The following PRMT9 variants were observed in gnomAD, a reference collection of about 807,000 sequenced individuals.
The protein encoded by PRMT9 is protein arginine N-methyltransferase 9.
In PRMT9, 59 loss-of-function variants were observed where a neutral mutation model predicts 83.2. The ratio of observed to expected loss-of-function variants is 0.71; its 90% CI spans 0.57 to 0.88. PRMT9 has a LOEUF of 0.88. Ranked by LOEUF, PRMT9 falls within the 40% of genes least tolerant of loss-of-function variation. PRMT9 has a pLI of 0.00. For missense variants in PRMT9, 947 were observed against 1,021.9 expected (o/e 0.93, Z 1.00); for synonymous variants, 333 against 353.2 (o/e 0.94, Z 0.64).
chr4:147,643,775 G>A (rs1233831117), intron 9 of PRMT9, among the ~76,000 whole-genome samples: 1 of 152,170 alleles, frequency 6.6e-6, no homozygotes, highest in Non-Finnish European at 1.5e-5. Flanking sequence ...TGAGAGGATT[G>A]CTTGAGCCCA....
rs758138750 is a variant in PRMT9 at position 147,638,698 on chromosome 4, T to C, written c.2372A>G (p.His791Arg). 2.0e-5 allele frequency: 32 copies of C among 1,613,594 alleles called. No individual in the cohort carries two copies. The highest frequency in any genetic ancestry group is 2.4e-5 in the Non-Finnish European group (28 of 1,179,766). ...CCTAATCTCTTCATCAAGGTACATA[T>C]GATACCAAAATGGAATAGCAGTCAG... ...GRLTAIPFWY[H>R]MYLDEEIRLD... is the part of the protein sequence containing the mutation. Residue 791 changes from histidine to arginine, a missense_variant, in exon 12 of 12, where the codon CAT (histidine) becomes CGT (arginine). Physicochemically the swap from His to Arg is conservative, Grantham distance 29. Transcript: ENST00000322396.
At chr4:147,660,243 T>C (rs957414756) in intron 7 of PRMT9, among the ~76,000 whole-genome samples, 2 of 152,242 alleles carry the variant, frequency 1.3e-5, no homozygotes, top group Non-Finnish European at 2.9e-5. Flanking sequence ...TATAATTGTA[T>C]GGCAGTATGT....
rs1422060017 is a variant in PRMT9, at chr4:147,677,626, G to A, written c.338+2697C>T. Among the ~76,000 whole-genome samples the A allele has an allele frequency of 3.3e-5, 5 of 151,618 alleles. No homozygotes were observed. In the East Asian group the frequency reaches 9.7e-4, roughly 29 times the overall value. ...GTGCCACCACACCCGTTTACTTTTT[G>A]CATTTTTTTTAGTAGAAACAGGGTT... On this transcript the variant is annotated intron_variant, in intron 2 of 11. Transcript: ENST00000322396.
intron 2 of PRMT9, among the ~76,000 whole-genome samples, chr4:147,679,913 T>C (rs1736353082): frequency 6.6e-6 from 1 of 152,140 alleles, no homozygotes; most frequent in Non-Finnish European, 1.5e-5. Flanking sequence ...TGTAATGGAG[T>C]ACCTCTGATA....
intron 1 of PRMT9, 66 bp downstream of exon 1, chr4:147,683,733 C>CTT: frequency 2.2e-5 from 11 of 489,412 alleles, no homozygotes; most frequent in African/African-American, 5.6e-5. Flanking sequence ...TTTTTTTTTT[C>CTT]TGTTTTTTTT....
chr4:147,668,001 A>AG (rs1735457823), intron 6 of PRMT9, among the ~76,000 whole-genome samples: 1 of 150,488 alleles, frequency 6.6e-6, no homozygotes, highest in African/African-American at 2.4e-5. Flanking sequence ...GCAAAAAAAA[A>AG]AATAAGACCA....
chr4:147,669,452 A>T (rs956820306), intron 5 of PRMT9, among the ~76,000 whole-genome samples: 1 of 152,210 alleles, frequency 6.6e-6, no homozygotes, highest in Non-Finnish European at 1.5e-5. Context: ...ACAAATGCAA[A>T]GGATACAAGA....
At chr4:147,675,142 G>A (rs527380409) in intron 2 of PRMT9, among the ~76,000 whole-genome samples, 10 of 151,996 alleles carry the variant, frequency 6.6e-5, no homozygotes, top group Non-Finnish European at 1.3e-4. Flanking sequence ...CACCACGTCC[G>A]GCTAATTTTG....
rs1734819706 is a variant in PRMT9, at chr4:147,659,736, C to A, written c.1146+1110G>T. ...GGGATTAGAGGCACCCGCCACCACA[C>A]CCAGCTAATTTTTTGTATTTTTTTA... On this transcript the variant is annotated intron_variant, in intron 7 of 11. Coordinates refer to ENST00000322396, the MANE Select transcript of PRMT9 (RefSeq NM_138364.4). 3.3e-5 allele frequency among the ~76,000 whole-genome samples: 5 copies of A among 152,062 alleles called. No homozygotes were observed. In the South Asian group the frequency reaches 1.0e-3, roughly 32 times the overall value.
At chr4:147,650,354 A>T (rs1734012074) in intron 9 of PRMT9, among the ~76,000 whole-genome samples, 1 of 152,222 alleles carries the variant, frequency 6.6e-6, no homozygotes, top group Non-Finnish European at 1.5e-5. Context: ...AAACATGCAA[A>T]AATCAGCTGC....
At chr4:147,653,100 CAGAG>C (rs1285844175) in intron 9 of PRMT9, among the ~76,000 whole-genome samples, 8 of 152,144 alleles carry the variant, frequency 5.3e-5, no homozygotes, top group South Asian at 2.1e-4. Flanking sequence ...CTTTTCAACT[CAGAG>C]AGCCTAAAAG....
intron 7 of PRMT9, among the ~76,000 whole-genome samples, chr4:147,659,708 G>A (rs939759250): frequency 1.3e-5 from 2 of 151,226 alleles, no homozygotes; most frequent in Non-Finnish European, 2.9e-5. Context: ...CTCCCAAGTA[G>A]CTGGGATTAG....
chr4:147,650,893 G>A (rs933520303), intron 9 of PRMT9, among the ~76,000 whole-genome samples: 2 of 152,164 alleles, frequency 1.3e-5, no homozygotes, highest in African/African-American at 4.8e-5. Context: ...ACAAGGTCAG[G>A]AGATCGAGAC....
chr4:147,640,963 T>A (rs1258455891), intron 10 of PRMT9, among the ~76,000 whole-genome samples: 1 of 152,082 alleles, frequency 6.6e-6, no homozygotes, highest in East Asian at 1.9e-4. Context: ...TCCTCCCACT[T>A]TGGCCTCCCA....
At chr4:147,651,902 T>C (rs1462939463) in intron 9 of PRMT9, among the ~76,000 whole-genome samples, 8 of 152,200 alleles carry the variant, frequency 5.3e-5, no homozygotes, top group African/African-American at 1.7e-4. Context: ...ATAATTTATG[T>C]AACGAGGTGA....
chr4:147,673,727 C>A lies in PRMT9; in HGVS notation c.486G>T (p.Arg162Ser). Residue 162 changes from arginine (R) to serine (S), a missense_variant, in exon 3 of 12, where the codon AGG becomes AGT. Arg to Ser is a moderately radical substitution (Grantham distance 110). Transcript: ENST00000322396. ...GGATTGCTGCATTATAAATTGTATT[C>A]CTCTTGGTGTCATTAAGCATGATAA... ...WHFIMLNDTK[R>S]NTIYNAAIQK... is the part of the protein sequence containing the mutation. The A allele has an allele frequency of 6.2e-7, 1 of 1,614,056 alleles. No individual in the cohort carries two copies. Among genetic ancestry groups the A allele is most frequent in the East Asian group, 2.2e-5 (1 of 44,876 alleles).
At chr4:147,639,581 G>GT (rs763231706) in intron 10 of PRMT9, among the ~76,000 whole-genome samples, 4 of 152,246 alleles carry the variant, frequency 2.6e-5, no homozygotes, top group East Asian at 1.9e-4. Flanking sequence ...ACCTGGGGAG[G>GT]TTTTTAAAAG....
rs957708711 is a variant in PRMT9 at position 147,654,630 on chromosome 4, C to T, written c.1331-64G>A. On this transcript the variant is annotated intron_variant, in intron 8 of 11. Transcript: ENST00000322396. ...CTTATAAGCCAGAGGATCACATAAA[C>T]ATCTCCATCCTCCATCTAGCCCCCC... The T allele has an allele frequency of 2.9e-5, 29 of 994,526 alleles. No individual in the cohort carries two copies. The African/African-American group carries it at 4.0e-4, about 14-fold the overall frequency. 61.6% of individuals were successfully genotyped at this position (994,526 alleles called of 1,614,324 possible). A position where few individuals can be genotyped will look rare whatever the true frequency, so the allele number is the denominator to read the frequency against.
In PRMT9 at chr4:147,684,078, C is replaced by G. The variant is rs373498559; in HGVS notation, c.-91G>C. ...TGCTACACTTCCAGGGACCAGACAA[C>G]TGCTCAAAAAACAGCACAGCAAAGT... On this transcript the variant is annotated 5_prime_UTR_variant, in exon 1 of 12. Coordinates refer to ENST00000322396, the MANE Select transcript of PRMT9 (RefSeq NM_138364.4). 14 of 1,394,340 alleles carry G rather than the reference C, an allele frequency of 1.0e-5. No homozygotes were observed. The highest frequency in any genetic ancestry group is 8.5e-5 in the African/African-American group (6 of 70,350). The allele number at this position is 1,394,340 out of a possible 1,614,324, so 86.4% of individuals were successfully genotyped here.
Sources: gnomAD v4.1 joint callset for allele counts (sites outside exome capture counted in the v4.1 genomes callset) on GRCh38, gnomAD v4.1.1 for gene constraint, MANE v1.5 for transcripts, NCBI Gene and HGNC (gene_info 2026-07-23, HGNC 2026-07-21) for gene names.